NOS1: variants seen among roughly 807,000 people sequenced by gnomAD.
NOS1 encodes nitric oxide synthase 1, also known as NOS type I.
Under a neutral mutation model 164.5 loss-of-function variants are expected in NOS1, and 51 were observed. That is an observed-to-expected ratio of 0.31 (90% CI 0.25 to 0.39). NOS1 has a LOEUF of 0.39. Ranked by LOEUF, NOS1 falls within the 10% of genes least tolerant of loss-of-function variation. The pLI, the probability that NOS1 is intolerant of heterozygous loss-of-function variation, is 1.00. For missense variants in NOS1, 1,362 were observed against 1,885.6 expected (o/e 0.72, Z 5.14); for synonymous variants, 719 against 745.8 (o/e 0.96, Z 0.59).
At chr12:117,360,475 C>T (rs1468737945) in intron 1 of NOS1, among the ~76,000 whole-genome samples, 1 of 152,252 alleles carries the variant, frequency 6.6e-6, no homozygotes, top group African/African-American at 2.4e-5. Context: ...CTCCCTAGAG[C>T]CTCCTTTGCG....
At chr12:117,240,240 G>A (rs1870059460) in intron 20 of NOS1, among the ~76,000 whole-genome samples, 4 of 152,134 alleles carry the variant, frequency 2.6e-5, no homozygotes, top group Admixed American at 2.6e-4. Flanking sequence ...GCTCTGAATT[G>A]CACTTAACTA....
Position 117,214,615 on chromosome 12 carries a change from C to T in NOS1, c.*694G>A. On this transcript the variant is annotated 3_prime_UTR_variant, in exon 29 of 29. Coordinates refer to ENST00000317775, the MANE Select transcript of NOS1 (RefSeq NM_000620.5). ...GGAGACAGCCCCTTTAATCAATTTC[C>T]CACTCCTCTCCCCATGCCCTGAACC... 1.0e-6 allele frequency: 1 copy of T among 985,372 alleles called. No individual in the cohort carries two copies. The highest frequency in any genetic ancestry group is 1.2e-6 in the Non-Finnish European group (1 of 829,950). The allele number at this position is 985,372 out of a possible 1,614,324, so 61.0% of individuals were successfully genotyped here. A position where few individuals can be genotyped will look rare whatever the true frequency, so the allele number is the denominator to read the frequency against.
At chr12:117,253,358 T>C (rs1592953555) in intron 17 of NOS1, among the ~76,000 whole-genome samples, 1 of 152,198 alleles carries the variant, frequency 6.6e-6, no homozygotes, top group Middle Eastern at 3.4e-3. Context: ...GGGATTGATA[T>C]CCTTCAGCAC....
chr12:117,218,346 T>G (rs188217464), intron 27 of NOS1, among the ~76,000 whole-genome samples, 182 bp from the exon 28 acceptor site: 4 of 152,178 alleles, frequency 2.6e-5, no homozygotes, highest in Admixed American at 1.3e-4. Flanking sequence ...AGCAAAACTG[T>G]TCTCTGGGAC....
Position 117,265,949 on chromosome 12 carries a change from C to G in NOS1, c.1942-439G>C, listed in dbSNP as rs1872367554. Among the ~76,000 whole-genome samples, 4 of 120,062 alleles carry G rather than the reference C, an allele frequency of 3.3e-5. No individual in the cohort carries two copies. The South Asian group carries it at 1.3e-3, about 38-fold the overall frequency. The allele number at this position is 120,062 out of a possible 152,430, so 78.8% of individuals were successfully genotyped here. On this transcript the variant is annotated intron_variant, in intron 11 of 28. Coordinates refer to ENST00000317775, the MANE Select transcript of NOS1 (RefSeq NM_000620.5). ...GGGACTACAGGCGCCCGCCACCACGCCTGGCTAATTTTTTTTTTTTTTGTA... is the reference window on the plus strand; with the variant it reads ...GGGACTACAGGCGCCCGCCACCACGGCTGGCTAATTTTTTTTTTTTTTGTA...
intron 13 of NOS1, among the ~76,000 whole-genome samples, chr12:117,263,458 G>C (rs73403582): frequency 0.1 from 15,785 of 151,686 alleles, 1,911 homozygotes; most frequent in African/African-American, 0.3. Context: ...AAAGTGAGAC[G>C]CCTCCAGCCT....
chr12:117,250,861 C>T (rs564450238), intron 17 of NOS1, among the ~76,000 whole-genome samples: 78 of 152,242 alleles, frequency 5.1e-4, no homozygotes, highest in African/African-American at 1.9e-3. Context: ...TCCTGAATCT[C>T]TGTGATTTAT....
At chr12:117,242,743 T>A (rs770612186) in intron 19 of NOS1, 38 bp from the exon 20 acceptor site, 35 of 1,590,600 alleles carry the variant, frequency 2.2e-5, no homozygotes, top group Non-Finnish European at 2.9e-5. Context: ...TGAGAAGGGG[T>A]TGAATGTTCC....
At position 117,234,418 on chromosome 12, in the gene NOS1, G is replaced by T. The variant is rs1477157774; in HGVS notation, c.3235+147C>A. On this transcript the variant is annotated intron_variant, in intron 21 of 28. Coordinates refer to ENST00000317775, the MANE Select transcript of NOS1 (RefSeq NM_000620.5). This position sits in a 1 kb window ranked among gnomAD's most constrained non-coding sequence, Gnocchi z 4.3. The stretch of plus-strand genomic sequence containing the variant: ...CAAGGTTGATCAGTCATGAGAAAGG[G>T]GGATATCTTTAGTCTCATAGGCTGT... The T allele has an allele frequency of 7.8e-6, 6 of 768,508 alleles. No individual in the cohort carries two copies. The highest frequency in any genetic ancestry group is 1.2e-5 in the Non-Finnish European group (6 of 495,094). 47.6% of individuals were successfully genotyped at this position (768,508 alleles called of 1,614,324 possible).
At chr12:117,215,939 G>A (rs184230785) in intron 28 of NOS1, among the ~76,000 whole-genome samples, 3 of 142,276 alleles carry the variant, frequency 2.1e-5, no homozygotes, top group Non-Finnish European at 3.0e-5. Flanking sequence ...GTGCAGTGAC[G>A]TGATCTCGGC....
chr12:117,215,199 G>A lies in NOS1; in HGVS notation c.*110C>T, dbSNP rs1405850983. 6.7e-6 allele frequency: 9 copies of A among 1,352,276 alleles called. No individual in the cohort carries two copies. The highest frequency in any genetic ancestry group is 2.8e-5 in the Admixed American group (1 of 35,394). The allele number at this position is 1,352,276 out of a possible 1,614,324, so 83.8% of individuals were successfully genotyped here. On this transcript the variant is annotated 3_prime_UTR_variant, in exon 29 of 29. Coordinates refer to ENST00000317775, the MANE Select transcript of NOS1 (RefSeq NM_000620.5). The stretch of plus-strand genomic sequence containing the variant: ...GCCCGAGGAGGGAAACCAGGGCACA[G>A]CGACAAGGACAGGAGGCAGAGCGAG...
intron 10 of NOS1, 37 bp from the exon 11 acceptor site, chr12:117,268,181 G>A (rs1173625820): frequency 1.1e-5 from 15 of 1,415,298 alleles, no homozygotes; most frequent in South Asian, 2.3e-5. Context: ...ACAGGCTGGG[G>A]TATCTCTGGA....
chr12:117,350,643 T>A (rs902337166), intron 1 of NOS1, among the ~76,000 whole-genome samples: 24 of 152,218 alleles, frequency 1.6e-4, no homozygotes, highest in Admixed American at 1.3e-3. Context: ...TTCCAGGATG[T>A]CCCAACTCAG....
intron 3 of NOS1, among the ~76,000 whole-genome samples, chr12:117,305,928 A>G (rs1874122312): frequency 6.6e-6 from 1 of 151,618 alleles, no homozygotes; most frequent in African/African-American, 2.4e-5. Context: ...AGTAGCTAGG[A>G]GTACAGGTGT....
At chr12:117,232,358 C>T (rs1869312767) in intron 21 of NOS1, among the ~76,000 whole-genome samples, 2 of 151,950 alleles carry the variant, frequency 1.3e-5, no homozygotes, top group African/African-American at 2.4e-5. Context: ...AAGAAAAATA[C>T]ATGAAGAGAG....
chr12:117,265,481 G>C lies in NOS1; in HGVS notation c.1971C>G (p.His657Gln). The change falls in exon 12 of 29, where the codon CAC becomes CAG. Residue 657 changes from histidine (H) to glutamine (Q), a missense_variant. His to Gln is a conservative substitution (Grantham distance 24). Around this residue, in one of 4 missense-constraint regions of NOS1, gnomAD observed 737 missense variants for 1,030.3 expected, o/e 0.72. Coordinates refer to ENST00000317775, the MANE Select transcript of NOS1 (RefSeq NM_000620.5). ...GCTTAATGAAGGACTCGGTGGCGGA[G>C]TGATGGTCAACAATGGTCACTTTGT... is the stretch of plus-strand genomic sequence containing the variant. Reference protein sequence around the residue: ...QSDKVTIVDHHSATESFIKHM... With the variant: ...QSDKVTIVDHQSATESFIKHM... 1.9e-6 allele frequency: 3 copies of C among 1,569,670 alleles called. No individual in the cohort carries two copies. Among genetic ancestry groups the C allele is most frequent in the Non-Finnish European group, 2.6e-6 (3 of 1,157,672 alleles).
At chr12:117,264,762 C>A (rs1486174064) in intron 12 of NOS1, among the ~76,000 whole-genome samples, 2 of 151,324 alleles carry the variant, frequency 1.3e-5, no homozygotes, top group Non-Finnish European at 2.9e-5. Flanking sequence ...TCTTGTTGCC[C>A]AGGCTGGAGT....
At chr12:117,349,134 C>T (rs73409551) in intron 1 of NOS1, among the ~76,000 whole-genome samples, 1,577 of 152,346 alleles carry the variant, frequency 0.01, 26 homozygotes, top group African/African-American at 0.036. Context: ...CCCTTCTCCT[C>T]GCCCCCTGGC....
At chr12:117,278,680 GA>G (rs944286264) in intron 8 of NOS1, among the ~76,000 whole-genome samples, 4 of 141,556 alleles carry the variant, frequency 2.8e-5, no homozygotes, top group Non-Finnish European at 4.6e-5. Context: ...AGCCACATTA[GA>G]AAAAAAAAAC....
Sources: gnomAD v4.1 joint callset for allele counts (sites outside exome capture counted in the v4.1 genomes callset) on GRCh38, gnomAD v4.1.1 for gene constraint, gnomAD v4.1.1 regional missense constraint, Gnocchi (gnomAD v3.1) non-coding constraint, MANE v1.5 for transcripts, NCBI Gene and HGNC (gene_info 2026-07-23, HGNC 2026-07-21) for gene names.